Variants in LARGE1 observed in about 807,000 individuals in gnomAD.
LARGE1 encodes xylosyl- and glucuronyltransferase LARGE1.
In LARGE1, 43 loss-of-function variants were observed where a neutral mutation model predicts 87.6. The ratio of observed to expected loss-of-function variants is 0.49; its 90% CI spans 0.38 to 0.63. LARGE1 has a LOEUF of 0.63. Among genes scored for constraint, LARGE1 ranks in the 30% least tolerant of loss-of-function variants. LARGE1 has a pLI of 0.00. For synonymous variants in LARGE1, 434 were observed against 394.6 expected, an observed-to-expected ratio of 1.10 and a Z score of -1.18; for missense variants, 802 against 1,000.2, an observed-to-expected ratio of 0.80 and a Z score of 2.67.
intron 2 of LARGE1, among the ~76,000 whole-genome samples, chr22:33,698,451 C>T (rs1294945974): frequency 6.6e-6 from 1 of 151,514 alleles, no homozygotes; most frequent in Non-Finnish European, 1.5e-5. Flanking sequence ...CAGGGGCACA[C>T]CACCACGCTC....
At chr22:33,316,275 C>A (rs1487321631) in intron 10 of LARGE1, 27 bp from the exon 11 acceptor site, 8 of 1,610,872 alleles carry the variant, frequency 5.0e-6, no homozygotes, top group Non-Finnish European at 6.8e-6. Context: ...AGGGCTTGGG[C>A]ACGTGAAGAA....
At chr22:33,789,775 A>G (rs777708193) in intron 1 of LARGE1, among the ~76,000 whole-genome samples, 14 of 152,190 alleles carry the variant, frequency 9.2e-5, no homozygotes, top group Non-Finnish European at 1.3e-4. Context: ...ATTTTGGCCA[A>G]TGTCTCCAAT....
intron 7 of LARGE1, among the ~76,000 whole-genome samples, chr22:33,401,860 A>G (rs961927533): frequency 1.1e-4 from 17 of 152,200 alleles, no homozygotes; most frequent in African/African-American, 4.1e-4. Context: ...TTGTTACGGC[A>G]GCCCTAGCAA....
intron 1 of LARGE1, among the ~76,000 whole-genome samples, chr22:33,843,440 A>AAATAAATAAATAAAT (rs1568978753): frequency 3.4e-5 from 5 of 146,624 alleles, no homozygotes; most frequent in African/African-American, 7.7e-5. Context: ...CCCTCTCAAA[A>AAATAAATAAATAAAT]AAATAAATAA....
chr22:33,150,728 T>G, the LARGE1 span, among the ~76,000 whole-genome samples: 2,249 of 152,316 alleles, frequency 0.015, 35 homozygotes, highest in Admixed American at 0.054. Flanking sequence ...AAATTGTGTT[T>G]GCTTGTTGGC....
chr22:33,838,855 T>TCTC (rs1320320093), intron 1 of LARGE1, among the ~76,000 whole-genome samples: 2 of 152,082 alleles, frequency 1.3e-5, no homozygotes, highest in East Asian at 3.9e-4. Context: ...CCGTGACGGC[T>TCTC]CTCCACGTTT....
At chr22:33,571,979 C>G (rs1314743086) in intron 5 of LARGE1, among the ~76,000 whole-genome samples, 1 of 152,196 alleles carries the variant, frequency 6.6e-6, no homozygotes. Context: ...GTCTTTAGAG[C>G]TGGGCATTCC....
chr22:33,853,157 G>A (rs1012605739), intron 1 of LARGE1, among the ~76,000 whole-genome samples: 1 of 152,008 alleles, frequency 6.6e-6, no homozygotes, highest in Non-Finnish European at 1.5e-5. Flanking sequence ...CTGAGAACTA[G>A]AGAGGTCTAG....
intron 5 of LARGE1, among the ~76,000 whole-genome samples, chr22:33,576,629 G>A (rs1039046711): frequency 2.0e-5 from 3 of 152,066 alleles, no homozygotes; most frequent in African/African-American, 2.4e-5. Context: ...ATATCACCGC[G>A]AAAGCACATG....
At position 33,601,151 on chromosome 22, in the gene LARGE1, A is replaced by G. The variant is rs542888527; in HGVS notation, c.615+3284T>C. 7.2e-5 allele frequency among the ~76,000 whole-genome samples: 11 copies of G among 152,338 alleles called. No homozygotes were observed. In the South Asian group the frequency reaches 1.7e-3, roughly 23 times the overall value. On this transcript the variant is annotated intron_variant, in intron 5 of 14. Transcript: ENST00000397394. ...GAAAAGGTTTTACCCAGAGGAAAAGAGTGGCATGACTGCGCTTGTTTTTGG... is the reference window on the plus strand; with the variant it reads ...GAAAAGGTTTTACCCAGAGGAAAAGGGTGGCATGACTGCGCTTGTTTTTGG...
chr22:33,776,587 G>A (rs537965572), intron 1 of LARGE1, among the ~76,000 whole-genome samples: 5 of 152,080 alleles, frequency 3.3e-5, no homozygotes, highest in Non-Finnish European at 1.5e-5. Flanking sequence ...GGAGTATTTC[G>A]ATCTTTGTTC....
At chr22:33,839,800 G>A (rs2063220749) in intron 1 of LARGE1, among the ~76,000 whole-genome samples, 1 of 152,186 alleles carries the variant, frequency 6.6e-6, no homozygotes, top group African/African-American at 2.4e-5. Context: ...TACCTACCAG[G>A]TATGAGGCAC....
intron 1 of LARGE1, among the ~76,000 whole-genome samples, chr22:33,809,101 A>C (rs1279557140): frequency 6.6e-6 from 1 of 151,996 alleles, no homozygotes; most frequent in East Asian, 1.9e-4. Flanking sequence ...GAGAAACCCC[A>C]TCTCTACTAA....
chr22:33,649,239 C>G (rs1396983412), intron 3 of LARGE1, among the ~76,000 whole-genome samples: 1 of 152,164 alleles, frequency 6.6e-6, no homozygotes, highest in Non-Finnish European at 1.5e-5. Flanking sequence ...AGAACTTAGT[C>G]TACATCACTG....
intron 13 of LARGE1, among the ~76,000 whole-genome samples, chr22:33,277,503 A>G (rs994033393): frequency 2.0e-5 from 3 of 152,222 alleles, no homozygotes; most frequent in African/African-American, 4.8e-5. Flanking sequence ...GCACTAATCC[A>G]ATATTTGTTG....
At chr22:33,890,122 C>A (rs917560560) in intron 1 of LARGE1, among the ~76,000 whole-genome samples, 2 of 152,218 alleles carry the variant, frequency 1.3e-5, no homozygotes, top group African/African-American at 2.4e-5. Flanking sequence ...GAACTAGCGA[C>A]CCATGTGCAC....
the LARGE1 span, among the ~76,000 whole-genome samples, chr22:33,073,194 A>G: frequency 6.6e-6 from 1 of 152,148 alleles, no homozygotes; most frequent in Non-Finnish European, 1.5e-5. Flanking sequence ...ATGTACTTTA[A>G]ACTTCATTCC....
At chr22:33,216,771 C>G (rs1305779951) in intron 11 of LARGE1, among the ~76,000 whole-genome samples, 2 of 152,134 alleles carry the variant, frequency 1.3e-5, no homozygotes, top group African/African-American at 2.4e-5. Context: ...CACTGTCCCA[C>G]AGAGGAGCTA....
intron 6 of LARGE1, among the ~76,000 whole-genome samples, chr22:33,511,662 A>C (rs1393792303): frequency 6.6e-6 from 1 of 152,214 alleles, no homozygotes; most frequent in African/African-American, 2.4e-5. Flanking sequence ...TCAGCTCTGC[A>C]TGGCCCTAGT....
Sources: gnomAD v4.1 joint callset for allele counts (sites outside exome capture counted in the v4.1 genomes callset) on GRCh38, gnomAD v4.1.1 for gene constraint, MANE v1.5 for transcripts, NCBI Gene and HGNC (gene_info 2026-07-23, HGNC 2026-07-21) for gene names.